GNAZ: variants seen among roughly 807,000 people sequenced by gnomAD.
The protein encoded by GNAZ is guanine nucleotide-binding protein G(z) subunit alpha.
A neutral mutation model predicts 25.4 loss-of-function variants in GNAZ; 3 were observed. The observed-to-expected ratio is 0.12, with a 90% confidence interval of 0.05 to 0.30. The LOEUF is 0.30. Among genes scored for constraint, GNAZ ranks in the 10% least tolerant of loss-of-function variants. The probability of loss-of-function intolerance (pLI) is 1.00; values close to 1 mark genes in which losing one functional copy is unlikely to be tolerated. For missense variants in GNAZ, 241 were observed against 501.8 expected (o/e 0.48, Z 4.97); for synonymous variants, 211 against 205.7 (o/e 1.03, Z -0.22).
At chr22:23,087,953 A>G (rs2068862624) in intron 1 of GNAZ, among the ~76,000 whole-genome samples, 1 of 152,196 alleles carries the variant, frequency 6.6e-6, no homozygotes. Flanking sequence ...TGTGAGTCCT[A>G]CAAAGGCAGT....
intron 2 of GNAZ, among the ~76,000 whole-genome samples, chr22:23,121,980 C>T (rs2070042381): frequency 6.6e-6 from 1 of 152,124 alleles, no homozygotes; most frequent in Non-Finnish European, 1.5e-5. Flanking sequence ...ATCCACCTGC[C>T]TCAGCCTCCT....
At chr22:23,118,580 C>T (rs1042330832) in intron 2 of GNAZ, among the ~76,000 whole-genome samples, 18 of 151,100 alleles carry the variant, frequency 1.2e-4, no homozygotes, top group African/African-American at 4.4e-4. Context: ...AGGCTCTCAA[C>T]TGCACCCTGG....
In GNAZ at chr22:23,123,660, G is replaced by A. The variant is rs1048549488; in HGVS notation, c.*229G>A. The A allele has an allele frequency of 2.9e-5, 16 of 554,266 alleles. No individual in the cohort carries two copies. Among genetic ancestry groups the A allele is most frequent in the South Asian group, 1.9e-4 (8 of 42,042 alleles). 34.3% of individuals were successfully genotyped at this position (554,266 alleles called of 1,614,324 possible). On this transcript the variant is annotated 3_prime_UTR_variant, in exon 3 of 3. Coordinates refer to ENST00000615612, the MANE Select transcript of GNAZ (RefSeq NM_002073.4). ...ATGCACACACACACATCTGGAGATG[G>A]CAAAATCCTCTAAAATGTCGAGGTC...
rs145904273 is a variant in GNAZ at position 23,101,101 on chromosome 22, G to C, written c.723+4683G>C. On this transcript the variant is annotated intron_variant, in intron 2 of 2. Coordinates refer to ENST00000615612, the MANE Select transcript of GNAZ (RefSeq NM_002073.4). ...TGCCCAAGGAGGGAATTACAAATGG[G>C]CAATAGCCAGACACAGATGATACCC... Among the ~76,000 whole-genome samples, 6 of 152,304 alleles carry C rather than the reference G, an allele frequency of 3.9e-5. No homozygotes were observed. The East Asian group carries it at 1.2e-3, about 29-fold the overall frequency.
intron 1 of GNAZ, among the ~76,000 whole-genome samples, chr22:23,082,377 A>ATT (rs34931887): frequency 4.2e-4 from 49 of 116,488 alleles, no homozygotes; most frequent in African/African-American, 8.5e-4. Context: ...ACACCTGGCT[A>ATT]TTTTTTTTTT....
chr22:23,095,509 G>A lies in GNAZ; in HGVS notation c.-187G>A, dbSNP rs745867462. ...GGGCGGCCACCGCCCGCTGCACAGA[G>A]CGCCATGCCGGCTGGAGAAGAGGCG... On this transcript the variant is annotated 5_prime_UTR_variant, in exon 2 of 3. Transcript: ENST00000615612. 7 of 641,288 alleles carry A rather than the reference G, an allele frequency of 1.1e-5. No homozygotes were observed. The highest frequency in any genetic ancestry group is 1.3e-5 in the Non-Finnish European group (5 of 375,486). The allele number at this position is 641,288 out of a possible 1,614,324, so 39.7% of individuals were successfully genotyped here. A position where few individuals can be genotyped will look rare whatever the true frequency, so the allele number is the denominator to read the frequency against.
chr22:23,102,110 C>T (rs1310102581), intron 2 of GNAZ, among the ~76,000 whole-genome samples: 1 of 152,236 alleles, frequency 6.6e-6, no homozygotes, highest in South Asian at 2.1e-4. Context: ...CCTTCAGCAC[C>T]GGCTCCCCGC....
intron 2 of GNAZ, among the ~76,000 whole-genome samples, chr22:23,099,349 C>T (rs2069227998): frequency 6.6e-6 from 1 of 152,226 alleles, no homozygotes; most frequent in South Asian, 2.1e-4. Flanking sequence ...CACCCTCGTC[C>T]GAAGGAATTG....
chr22:23,078,548 G>A (rs117706061), intron 1 of GNAZ, among the ~76,000 whole-genome samples: 34 of 152,194 alleles, frequency 2.2e-4, no homozygotes, highest in Admixed American at 9.8e-4. Context: ...GTCTTGCCAC[G>A]CTGGCTGTTC....
intron 2 of GNAZ, among the ~76,000 whole-genome samples, chr22:23,109,930 G>A (rs747010221): frequency 2.9e-4 from 44 of 152,298 alleles, no homozygotes; most frequent in Non-Finnish European, 5.6e-4. Context: ...TGCTGTCCCC[G>A]CAGACTGGCT....
At position 23,111,640 on chromosome 22, in the gene GNAZ, G is replaced by A. The variant is rs552965083; in HGVS notation, c.724-11447G>A. ...CTTATTTTACTGAGGCAGGAGCTGC[G>A]GCCCAGAGCAGAAGTGACATGCCCA... On this transcript the variant is annotated intron_variant, in intron 2 of 2. Transcript: ENST00000615612. 3.8e-4 allele frequency among the ~76,000 whole-genome samples: 58 copies of A among 152,354 alleles called. No individual in the cohort carries two copies. In the South Asian group the frequency reaches 5.6e-3, roughly 15 times the overall value.
intron 2 of GNAZ, among the ~76,000 whole-genome samples, chr22:23,097,858 G>A (rs2069172587): frequency 6.6e-6 from 1 of 152,244 alleles, no homozygotes; most frequent in South Asian, 2.1e-4. Flanking sequence ...ACACGGGCTT[G>A]CGCCACTGGC....
intron 2 of GNAZ, among the ~76,000 whole-genome samples, chr22:23,100,241 C>T (rs1369956514): frequency 1.3e-5 from 2 of 152,272 alleles, no homozygotes; most frequent in East Asian, 3.8e-4. Flanking sequence ...TTCCACAAAG[C>T]CTCTGCTACC....
intron 1 of GNAZ, among the ~76,000 whole-genome samples, chr22:23,079,273 TG>T (rs2068604463): frequency 6.6e-6 from 1 of 152,138 alleles, no homozygotes; most frequent in South Asian, 2.1e-4. Context: ...GTAAATAGGA[TG>T]GGCAGGGAGG....
At chr22:23,116,890 GA>G (rs2069854788) in intron 2 of GNAZ, among the ~76,000 whole-genome samples, 2 of 152,324 alleles carry the variant, frequency 1.3e-5, no homozygotes, top group South Asian at 4.1e-4. Context: ...CCGCACCTGG[GA>G]GGGGGACAGG....
intron 2 of GNAZ, among the ~76,000 whole-genome samples, chr22:23,119,066 T>C (rs979821895): frequency 2.0e-5 from 3 of 152,218 alleles, no homozygotes; most frequent in African/African-American, 7.2e-5. Flanking sequence ...TTGCTTCCCA[T>C]ATGCATGCTT....
At chr22:23,093,796 AT>A (rs2069051581) in intron 1 of GNAZ, among the ~76,000 whole-genome samples, 1 of 152,110 alleles carries the variant, frequency 6.6e-6, no homozygotes, top group African/African-American at 2.4e-5. Flanking sequence ...AAGAGGCGGC[AT>A]TAGAGCCTCT....
intron 2 of GNAZ, among the ~76,000 whole-genome samples, chr22:23,103,002 A>T (rs1332704507): frequency 2.0e-5 from 3 of 152,062 alleles, no homozygotes; most frequent in Non-Finnish European, 4.4e-5. Flanking sequence ...TTGAGGGAGG[A>T]GGGAGGAGAG....
intron 2 of GNAZ, among the ~76,000 whole-genome samples, chr22:23,112,238 C>T (rs2069676754): frequency 2.0e-5 from 3 of 152,228 alleles, no homozygotes; most frequent in Non-Finnish European, 4.4e-5. Context: ...CCTTCTGCTT[C>T]CCCAGCTGCC....
Sources: gnomAD v4.1 joint callset for allele counts (sites outside exome capture counted in the v4.1 genomes callset) on GRCh38, gnomAD v4.1.1 for gene constraint, MANE v1.5 for transcripts, NCBI Gene and HGNC (gene_info 2026-07-23, HGNC 2026-07-21) for gene names.